CDH12: variants seen among roughly 807,000 people sequenced by gnomAD.
CDH12 encodes cadherin-12.
In CDH12, 41 loss-of-function variants were observed where a neutral mutation model predicts 74.1. That is an observed-to-expected ratio of 0.55 (90% confidence interval 0.43 to 0.72). CDH12 has a LOEUF of 0.72. CDH12 is among the 30% of genes least tolerant of loss of function. The probability of loss-of-function intolerance (pLI) is 0.00; values close to 1 mark genes in which losing one functional copy is unlikely to be tolerated. For synonymous variants in CDH12, 399 were observed against 355.0 expected (o/e 1.12, Z -1.39); for missense variants, 945 against 977.2 (o/e 0.97, Z 0.44).
chr5:22,021,009 G>C (rs896117022), intron 5 of CDH12, among the ~76,000 whole-genome samples: 2 of 152,160 alleles, frequency 1.3e-5, no homozygotes, highest in Non-Finnish European at 2.9e-5. Flanking sequence ...GGTACAGACT[G>C]AAGATTCCTT....
intron 1 of CDH12, among the ~76,000 whole-genome samples, chr5:22,589,611 A>G (rs761064634): frequency 6.6e-6 from 1 of 152,152 alleles, no homozygotes; most frequent in Non-Finnish European, 1.5e-5. Flanking sequence ...TGCATTTAAC[A>G]TATTTGTCCA....
At chr5:22,405,480 T>G (rs1742904526) in intron 2 of CDH12, 129 bp from the exon 3 acceptor site, 1 of 156,360 alleles carries the variant, frequency 6.4e-6, no homozygotes, top group Admixed American at 6.6e-5. Flanking sequence ...TCTCACATAT[T>G]ATAATTCATA....
rs371129040 is a variant in CDH12, at chr5:22,153,345, C to A, written c.-187+59153G>T. ...GCTGATTTTGATGCATTTTTAAGAC[C>A]CCCCTCCCATCCCGTGTGATGTTCC... On this transcript the variant is annotated intron_variant, in intron 4 of 14. Coordinates refer to ENST00000382254, the MANE Select transcript of CDH12 (RefSeq NM_004061.5). 5.4e-4 allele frequency among the ~76,000 whole-genome samples: 82 copies of A among 151,278 alleles called. No individual in the cohort carries two copies. In the East Asian group the frequency reaches 9.2e-3, roughly 17 times the overall value.
intron 1 of CDH12, among the ~76,000 whole-genome samples, chr5:22,601,193 T>G (rs1736839363): frequency 1.3e-5 from 2 of 152,082 alleles, no homozygotes; most frequent in African/African-American, 4.8e-5. Context: ...TTCTTAAAAA[T>G]TTTAAGTTCA....
At chr5:22,423,997 T>C (rs1457586200) in intron 2 of CDH12, among the ~76,000 whole-genome samples, 7 of 80,498 alleles carry the variant, frequency 8.7e-5, no homozygotes, top group Middle Eastern at 0.017. Context: ...AGCGAGACTC[T>C]GTCTCAAAAA....
chr5:22,624,562 C>T (rs1396090763), intron 1 of CDH12, among the ~76,000 whole-genome samples: 4 of 152,154 alleles, frequency 2.6e-5, no homozygotes, highest in African/African-American at 9.7e-5. Flanking sequence ...TGAAAAAATG[C>T]TCATCATCAC....
chr5:22,841,600 T>C (rs1737085270), intron 1 of CDH12, among the ~76,000 whole-genome samples: 2 of 152,038 alleles, frequency 1.3e-5, no homozygotes, highest in Middle Eastern at 3.4e-3. Context: ...TGGGTGTAGA[T>C]AGACAGGAGA....
chr5:22,607,223 T>C (rs993602083), intron 1 of CDH12, among the ~76,000 whole-genome samples: 1 of 152,148 alleles, frequency 6.6e-6, no homozygotes, highest in African/African-American at 2.4e-5. Context: ...TTTGCATAAG[T>C]AATGAGGAGC....
chr5:22,387,333 T>G (rs1326366077), intron 3 of CDH12, among the ~76,000 whole-genome samples: 3 of 152,150 alleles, frequency 2.0e-5, no homozygotes, highest in Non-Finnish European at 4.4e-5. Flanking sequence ...GTTATTAATT[T>G]TTAAAAAATA....
intron 6 of CDH12, among the ~76,000 whole-genome samples, chr5:21,894,910 A>T (rs984253280): frequency 2.6e-5 from 4 of 152,078 alleles, no homozygotes; most frequent in Non-Finnish European, 5.9e-5. Flanking sequence ...ATAGAGCATA[A>T]GTGGTTCACC....
intron 8 of CDH12, among the ~76,000 whole-genome samples, chr5:21,841,249 A>T (rs1005300331): frequency 6.6e-6 from 1 of 151,184 alleles, no homozygotes; most frequent in Admixed American, 6.6e-5. Flanking sequence ...CAAAAAACAC[A>T]TGAAAAAATG....
chr5:22,022,470 A>G (rs1738055121), intron 5 of CDH12, among the ~76,000 whole-genome samples: 1 of 151,980 alleles, frequency 6.6e-6, no homozygotes, highest in East Asian at 1.9e-4. Flanking sequence ...TGGAACTGTG[A>G]GTCAATTAAA....
chr5:22,645,193 A>G (rs1739373820), intron 1 of CDH12, among the ~76,000 whole-genome samples: 1 of 152,130 alleles, frequency 6.6e-6, no homozygotes, highest in Non-Finnish European at 1.5e-5. Flanking sequence ...AAATCAATTG[A>G]AAACCTTTTG....
Position 22,683,690 on chromosome 5 carries a change from G to A in CDH12, c.-523+169368C>T, listed in dbSNP as rs566626608. 5.3e-5 allele frequency among the ~76,000 whole-genome samples: 8 copies of A among 152,052 alleles called. No homozygotes were observed. The South Asian group carries it at 1.5e-3, about 28-fold the overall frequency. On this transcript the variant is annotated intron_variant, in intron 1 of 14. Transcript: ENST00000382254. ...TTCTTTCCTTTATATCACCTTTTTC[G>A]CTAAAGAAGAAATTGGACAAATAAC...
At chr5:21,904,615 A>G (rs1194375809) in intron 6 of CDH12, among the ~76,000 whole-genome samples, 6 of 151,996 alleles carry the variant, frequency 3.9e-5, no homozygotes, top group Non-Finnish European at 8.8e-5. Flanking sequence ...CAAAATAAAT[A>G]AATAAAAATA....
chr5:22,722,226 C>A (rs1460365543), intron 1 of CDH12, among the ~76,000 whole-genome samples: 2 of 152,208 alleles, frequency 1.3e-5, no homozygotes, highest in Admixed American at 6.5e-5. Flanking sequence ...ATACCCCAAG[C>A]AGCAAGCATA....
At chr5:22,334,759 C>A (rs184532702) in intron 3 of CDH12, among the ~76,000 whole-genome samples, 1 of 152,150 alleles carries the variant, frequency 6.6e-6, no homozygotes, top group Admixed American at 6.6e-5. Flanking sequence ...AAAACACAGT[C>A]TCTTCAATAA....
At chr5:22,779,020 G>A (rs982306154) in intron 1 of CDH12, among the ~76,000 whole-genome samples, 3 of 152,076 alleles carry the variant, frequency 2.0e-5, no homozygotes, top group African/African-American at 2.4e-5. Context: ...TATAGAAAAT[G>A]TATGTTTTGA....
At chr5:22,601,130 A>T (rs757141160) in intron 1 of CDH12, among the ~76,000 whole-genome samples, 32 of 152,114 alleles carry the variant, frequency 2.1e-4, no homozygotes, top group African/African-American at 3.4e-4. Flanking sequence ...AACATTAAGA[A>T]AAACAAACCA....
Sources: allele counts gnomAD v4.1 joint callset (sites outside exome capture counted in the v4.1 genomes callset), GRCh38; gene constraint gnomAD v4.1.1; transcripts MANE v1.5; gene names NCBI Gene and HGNC (gene_info 2026-07-23, HGNC 2026-07-21).